Variants in RNFT2 observed in about 807,000 individuals in gnomAD.
The protein encoded by RNFT2 is ring finger protein, transmembrane 2.
RNFT2 carries 36 observed loss-of-function variants against 53.0 expected under a neutral mutation model. The ratio of observed to expected loss-of-function variants is 0.68; its 90% confidence interval spans 0.52 to 0.90. RNFT2 has a LOEUF of 0.90. Ranked by LOEUF, RNFT2 falls within the 40% of genes least tolerant of loss-of-function variation. RNFT2 has a pLI of 0.00. For missense variants in RNFT2, 514 were observed against 585.6 expected (o/e 0.88, Z 1.26); for synonymous variants, 260 against 253.2 (o/e 1.03, Z -0.26).
rs1229767769 is a variant in RNFT2, at chr12:116,833,872, C to G, written c.963C>G (p.Ile321Met). The G allele has an allele frequency of 6.2e-7, 1 of 1,613,290 alleles. No homozygotes were observed. ...LVPIQLWYKY[I>M]MGDDSSNSYF... ...CCATCCAGCTGTGGTACAAATACAT[C>G]ATGGGTGACGACTCCTCCAACAGCT... Residue 321 changes from isoleucine to methionine, a missense_variant, in exon 8 of 11, where the codon ATC becomes ATG. Physicochemically the swap from Ile to Met is conservative, Grantham distance 10. This residue lies in a region of RNFT2 where 273 missense variants were observed against 334.4 expected (regional missense o/e 0.82). Coordinates refer to ENST00000257575, the MANE Select transcript of RNFT2 (RefSeq NM_001382266.1).
At chr12:116,754,169 C>A in intron 5 of RNFT2, 109 bp downstream of exon 5, 1 of 834,948 alleles carries the variant, frequency 1.2e-6, no homozygotes, top group Non-Finnish European at 2.0e-6. Context: ...ATTCTTATGC[C>A]TTTGCGTCCT....
chr12:116,834,797 T>G (rs148178384), intron 8 of RNFT2, among the ~76,000 whole-genome samples: 10 of 152,250 alleles, frequency 6.6e-5, no homozygotes, highest in African/African-American at 2.4e-4. Flanking sequence ...CATATGATAT[T>G]CTTTCCAATA....
chr12:116,812,895 T>C (rs1468563015), intron 7 of RNFT2, among the ~76,000 whole-genome samples: 1 of 152,110 alleles, frequency 6.6e-6, no homozygotes, highest in African/African-American at 2.4e-5. Context: ...ACCTTGTCCA[T>C]AATCCCACGC....
intron 7 of RNFT2, among the ~76,000 whole-genome samples, chr12:116,800,368 T>G (rs773261114): frequency 1.3e-5 from 2 of 151,842 alleles, no homozygotes; most frequent in African/African-American, 2.4e-5. Context: ...CACAGTGGCT[T>G]ACACCTGTAA....
chr12:116,769,414 T>C (rs2137102954), intron 6 of RNFT2, among the ~76,000 whole-genome samples: 1 of 152,288 alleles, frequency 6.6e-6, no homozygotes, highest in East Asian at 1.9e-4. Flanking sequence ...TCGTAGGAGA[T>C]TACAGCTCCA....
At chr12:116,824,347 T>G (rs1340461700) in intron 7 of RNFT2, among the ~76,000 whole-genome samples, 1 of 152,252 alleles carries the variant, frequency 6.6e-6, no homozygotes, top group Non-Finnish European at 1.5e-5. Flanking sequence ...CTTGGTCACC[T>G]ACTGAGTCCC....
intron 3 of RNFT2, among the ~76,000 whole-genome samples, chr12:116,744,623 G>T (rs1433005704): frequency 6.6e-6 from 1 of 152,188 alleles, no homozygotes; most frequent in Non-Finnish European, 1.5e-5. Flanking sequence ...TAGTGTCTGA[G>T]CAGAACCACT....
At chr12:116,796,741 C>T (rs1315493110) in intron 7 of RNFT2, among the ~76,000 whole-genome samples, 1 of 152,202 alleles carries the variant, frequency 6.6e-6, no homozygotes, top group Non-Finnish European at 1.5e-5. Flanking sequence ...CCCAATCAGA[C>T]ATCTGTCTAT....
At chr12:116,843,338 C>T (rs1179448736) in intron 10 of RNFT2, among the ~76,000 whole-genome samples, 2 of 151,580 alleles carry the variant, frequency 1.3e-5, no homozygotes, top group Non-Finnish European at 2.9e-5. Flanking sequence ...ACAAAAAATA[C>T]AAAAATTAGC....
intron 7 of RNFT2, among the ~76,000 whole-genome samples, chr12:116,803,861 A>G (rs1321025624): frequency 6.6e-6 from 1 of 152,200 alleles, no homozygotes; most frequent in Non-Finnish European, 1.5e-5. Context: ...GAATTACATG[A>G]AAGGTTTTTG....
rs1873444707 is a variant in RNFT2, at chr12:116,776,702, TCCATTCTATGCTGAGTGTACTTCTC to T, written c.729-2490_729-2466del. Among the ~76,000 whole-genome samples the T allele has an allele frequency of 2.0e-5, 3 of 152,182 alleles. No individual in the cohort carries two copies. The South Asian group carries it at 6.2e-4, about 32-fold the overall frequency. ...GTATTTCCAAAGCATATAGAAAGCA[TCCATTCTATGCTGAGTGTACTTCTC>T]CCTGCTTTGGAGGAGACAGATGGGA... On this transcript the variant is annotated intron_variant, in intron 6 of 10. Coordinates refer to ENST00000257575, the MANE Select transcript of RNFT2 (RefSeq NM_001382266.1).
At chr12:116,825,778 C>T (rs1876296889) in intron 7 of RNFT2, among the ~76,000 whole-genome samples, 2 of 152,076 alleles carry the variant, frequency 1.3e-5, no homozygotes, top group Non-Finnish European at 2.9e-5. Context: ...TATTCAACCC[C>T]ATTTACAGAT....
chr12:116,816,241 T>G (rs1875658917), intron 7 of RNFT2, among the ~76,000 whole-genome samples: 1 of 152,006 alleles, frequency 6.6e-6, no homozygotes, highest in African/African-American at 2.4e-5. Context: ...GCTGATGCAG[T>G]TGCTGGGGCA....
intron 3 of RNFT2, among the ~76,000 whole-genome samples, chr12:116,749,233 T>C (rs1338207307): frequency 6.6e-6 from 1 of 151,458 alleles, no homozygotes; most frequent in Admixed American, 6.6e-5. Context: ...TCCCTGGGTC[T>C]TTACATGGTC....
Position 116,849,778 on chromosome 12 carries a change from T to C in RNFT2, c.*330T>C. The C allele has an allele frequency of 9.0e-7, 1 of 1,106,182 alleles. No individual in the cohort carries two copies. 68.5% of individuals were successfully genotyped at this position (1,106,182 alleles called of 1,614,324 possible). ...TCCCACTTGTTGGTTATTTTCTCTT[T>C]CTTTTTTCTTTTCTTTTCTTTCTCT... is the stretch of plus-strand genomic sequence containing the variant. On this transcript the variant is annotated 3_prime_UTR_variant, in exon 11 of 11. Coordinates refer to ENST00000257575, the MANE Select transcript of RNFT2 (RefSeq NM_001382266.1).
At position 116,832,130 on chromosome 12, in the gene RNFT2, C is replaced by CA. The variant is rs138431200; in HGVS notation, c.883-1643dup. The stretch of plus-strand genomic sequence containing the variant: ...TGGGCAACATAGCAAGACCTTGTCT[C>CA]AAAAAAAAAAAAAAAAAAATATATA... On this transcript the variant is annotated intron_variant, in intron 7 of 10. Coordinates refer to ENST00000257575, the MANE Select transcript of RNFT2 (RefSeq NM_001382266.1). Among the ~76,000 whole-genome samples the CA allele has an allele frequency of 5.9e-3, 562 of 95,310 alleles. 7 individuals carry two copies. The highest frequency in any genetic ancestry group is 0.022 in the African/African-American group (487 of 22,406). The allele number at this position is 95,310 out of a possible 152,430, so 62.5% of individuals were successfully genotyped here. A position where few individuals can be genotyped will look rare whatever the true frequency, so the allele number is the denominator to read the frequency against.
intron 7 of RNFT2, among the ~76,000 whole-genome samples, chr12:116,830,300 G>T (rs568507813): frequency 3.8e-4 from 57 of 151,656 alleles, no homozygotes; most frequent in East Asian, 7.8e-4. Flanking sequence ...TTGTTTTTTT[G>T]TTTTCGAGAC....
intron 8 of RNFT2, among the ~76,000 whole-genome samples, chr12:116,834,851 T>A (rs1592987206): frequency 8.7e-6 from 1 of 115,408 alleles, no homozygotes; most frequent in Non-Finnish European, 1.6e-5. Flanking sequence ...TTATTACTCC[T>A]TTTTTTTTTT....
At chr12:116,819,549 G>T (rs952674808) in intron 7 of RNFT2, among the ~76,000 whole-genome samples, 1 of 152,272 alleles carries the variant, frequency 6.6e-6, no homozygotes, top group East Asian at 1.9e-4. Flanking sequence ...GGGCCCGGGG[G>T]AGGAGGAGGC....
Sources: allele counts gnomAD v4.1 joint callset (sites outside exome capture counted in the v4.1 genomes callset), GRCh38; gene constraint gnomAD v4.1.1; regional missense constraint gnomAD v4.1.1; transcripts MANE v1.5; gene names NCBI Gene and HGNC (gene_info 2026-07-23, HGNC 2026-07-21).